The following GMPR variants were observed in gnomAD, a reference collection of about 807,000 sequenced individuals.
The protein encoded by GMPR is GMP reductase 1.
In GMPR, 31 loss-of-function variants were observed where a neutral mutation model predicts 38.4. That is an observed-to-expected ratio of 0.81 (90% CI 0.61 to 1.09). The LOEUF is 1.09. GMPR is among the 50% of genes least tolerant of loss of function. GMPR has a pLI of 0.00. For synonymous variants in GMPR, 162 were observed against 173.3 expected (o/e 0.93, Z 0.51); for missense variants, 468 against 453.7 (o/e 1.03, Z -0.29).
chr6:16,275,833 G>T (rs1341177072), intron 5 of GMPR, among the ~76,000 whole-genome samples: 1 of 152,170 alleles, frequency 6.6e-6, no homozygotes, highest in Non-Finnish European at 1.5e-5. Context: ...CAAGGTGGGT[G>T]GATCGCTTGA....
At chr6:16,246,557 T>C (rs1166353758) in intron 1 of GMPR, among the ~76,000 whole-genome samples, 6 of 151,974 alleles carry the variant, frequency 3.9e-5, no homozygotes, top group African/African-American at 1.5e-4. Context: ...GGCTTGCGGG[T>C]GGGGCGAAGA....
intron 4 of GMPR, among the ~76,000 whole-genome samples, chr6:16,258,882 A>G (rs887463875): frequency 1.3e-5 from 2 of 152,216 alleles, no homozygotes; most frequent in African/African-American, 4.8e-5. Context: ...GATTGTTACA[A>G]TACAGTGAAC....
At chr6:16,264,655 G>A (rs910640463) in intron 4 of GMPR, 1 of 152,184 alleles carries the variant, frequency 6.6e-6, no homozygotes, top group Non-Finnish European at 1.5e-5. Flanking sequence ...GTCAAAGGGG[G>A]GGTTGTTCTC....
At chr6:16,267,482 A>C (rs554494973) in intron 4 of GMPR, among the ~76,000 whole-genome samples, 6 of 152,200 alleles carry the variant, frequency 3.9e-5, no homozygotes, top group Non-Finnish European at 7.4e-5. Flanking sequence ...TGCCACTTTT[A>C]AGAGCTGTAA....
chr6:16,290,595 G>A lies in GMPR; in HGVS notation c.831G>A (p.Lys277=). The A allele has an allele frequency of 6.2e-7, 1 of 1,614,204 alleles. No homozygotes were observed. The highest frequency in any genetic ancestry group is 8.5e-7 in the Non-Finnish European group (1 of 1,180,024). ...TGAGCTCTGACACCGCCATGAACAAGCACGCAGGAGGAGTTGCTGAGTACA... is the reference window on the plus strand; with the variant it reads ...TGAGCTCTGACACCGCCATGAACAAACACGCAGGAGGAGTTGCTGAGTACA... ...YGMSSDTAMN[K]HAGGVAEYRA... Residue 277 remains lysine (K), a synonymous_variant, in exon 8 of 9, where the codon AAG becomes AAA. Coordinates refer to ENST00000259727, the MANE Select transcript of GMPR (RefSeq NM_006877.4).
In GMPR at chr6:16,295,325, G is replaced by T; in HGVS notation, c.*139G>T. On this transcript the variant is annotated 3_prime_UTR_variant, in exon 9 of 9. Coordinates refer to ENST00000259727, the MANE Select transcript of GMPR (RefSeq NM_006877.4). ...TGTGTCCTCTCTTCTGTCTCCTGCT[G>T]CCTGGAGGCTTCGGGGCTCTCCCGC... is the stretch of plus-strand genomic sequence containing the variant. 1 of 625,116 alleles carries T rather than the reference G, an allele frequency of 1.6e-6. No homozygotes were observed. The highest frequency in any genetic ancestry group is 2.5e-6 in the Non-Finnish European group (1 of 406,418). 38.7% of individuals were successfully genotyped at this position (625,116 alleles called of 1,614,324 possible).
chr6:16,248,773 T>C (rs1758808402), intron 2 of GMPR, among the ~76,000 whole-genome samples: 1 of 152,164 alleles, frequency 6.6e-6, no homozygotes, highest in Non-Finnish European at 1.5e-5. Flanking sequence ...TTGCTACTAA[T>C]GAATTATGTG....
chr6:16,290,424 C>T, intron 7 of GMPR, 38 bp from the exon 8 acceptor site: 1 of 1,600,332 alleles, frequency 6.2e-7, no homozygotes, highest in Non-Finnish European at 8.6e-7. Flanking sequence ...GAGCTGTTTT[C>T]TCTGCTACTC....
intron 1 of GMPR, among the ~76,000 whole-genome samples, chr6:16,246,562 C>T (rs745611582): frequency 6.6e-6 from 1 of 151,856 alleles, no homozygotes; most frequent in Non-Finnish European, 1.5e-5. Context: ...GCGGGTGGGG[C>T]GAAGATAACA....
chr6:16,291,868 G>A (rs1422826601), intron 8 of GMPR, among the ~76,000 whole-genome samples: 1 of 150,258 alleles, frequency 6.7e-6, no homozygotes, highest in East Asian at 1.9e-4. Flanking sequence ...CTATGATCGT[G>A]CCACTGTGCT....
chr6:16,280,790 C>G (rs1358398152), intron 6 of GMPR, among the ~76,000 whole-genome samples: 1 of 152,142 alleles, frequency 6.6e-6, no homozygotes, highest in Non-Finnish European at 1.5e-5. Context: ...AGTCCTGTCT[C>G]CATTACCTAA....
chr6:16,244,238 G>T (rs1310849612), intron 1 of GMPR, among the ~76,000 whole-genome samples: 1 of 147,438 alleles, frequency 6.8e-6, no homozygotes, highest in African/African-American at 2.5e-5. Context: ...TTGAGACAAG[G>T]TCTCACTCTT....
chr6:16,243,073 G>A (rs747390109), intron 1 of GMPR, among the ~76,000 whole-genome samples: 1 of 149,262 alleles, frequency 6.7e-6, no homozygotes, highest in East Asian at 1.9e-4. Flanking sequence ...TTTTGGGGGC[G>A]GGGGGGAGAC....
intron 4 of GMPR, among the ~76,000 whole-genome samples, chr6:16,266,005 CCG>C (rs1759200274): frequency 6.6e-6 from 1 of 152,134 alleles, no homozygotes; most frequent in Non-Finnish European, 1.5e-5. Context: ...GTAACACTCA[CCG>C]TGAAGGTCTG....
intron 2 of GMPR, among the ~76,000 whole-genome samples, chr6:16,248,710 A>AACTGGT (rs1358765454): frequency 1.3e-5 from 2 of 152,120 alleles, no homozygotes; most frequent in African/African-American, 4.8e-5. Context: ...ATTGCTAAGG[A>AACTGGT]ACTGGTATTT....
intron 6 of GMPR, among the ~76,000 whole-genome samples, chr6:16,285,037 A>C (rs1223138496): frequency 6.6e-6 from 1 of 150,736 alleles, no homozygotes; most frequent in African/African-American, 2.5e-5. Flanking sequence ...AAAAAACAAA[A>C]AAAAAAAAAC....
intron 7 of GMPR, among the ~76,000 whole-genome samples, chr6:16,287,575 C>A (rs1015005011): frequency 1.3e-5 from 2 of 152,156 alleles, no homozygotes; most frequent in African/African-American, 4.8e-5. Context: ...GTTGGGAACC[C>A]CCTCAAAGCA....
At position 16,238,711 on chromosome 6, in the gene GMPR, G is replaced by T; in HGVS notation, c.18G>T (p.Ala6=). Residue 6 remains alanine, a synonymous_variant, in exon 1 of 9, where the codon GCG becomes GCT. Transcript: ENST00000259727. ...GCTGCACCATGCCCCGCATAGATGC[G>T]GACCTCAAGCTCGACTTCAAGGATG... MPRID[A]DLKLDFKDVL... 7.0e-7 allele frequency: 1 copy of T among 1,430,874 alleles called. No homozygotes were observed. The highest frequency in any genetic ancestry group is 9.3e-7 in the Non-Finnish European group (1 of 1,078,968). 88.6% of individuals were successfully genotyped at this position (1,430,874 alleles called of 1,614,324 possible).
At chr6:16,250,509 G>T (rs1758851333) in intron 3 of GMPR, 142 bp downstream of exon 3, 1 of 647,434 alleles carries the variant, frequency 1.5e-6, no homozygotes, top group East Asian at 2.7e-5. Flanking sequence ...CCAGGGATTT[G>T]CTGAGAAAAC....
Sources: gnomAD v4.1 joint callset for allele counts (sites outside exome capture counted in the v4.1 genomes callset) on GRCh38, gnomAD v4.1.1 for gene constraint, MANE v1.5 for transcripts, NCBI Gene and HGNC (gene_info 2026-07-23, HGNC 2026-07-21) for gene names.